Variants in EMCN observed in about 807,000 individuals in gnomAD.
EMCN encodes MUC-14.
A neutral mutation model predicts 38.4 loss-of-function variants in EMCN; 37 were observed. The ratio of observed to expected loss-of-function variants is 0.96; its 90% confidence interval spans 0.74 to 1.27. The LOEUF is 1.27. Ranked by LOEUF, EMCN falls within the 50% of genes most tolerant of loss-of-function variation. The pLI is 0.00. For missense variants in EMCN, 318 were observed against 302.8 expected (o/e 1.05, Z -0.37); for synonymous variants, 95 against 100.8 (o/e 0.94, Z 0.35).
At chr4:100,481,901 C>T (rs1057299403) in intron 1 of EMCN, among the ~76,000 whole-genome samples, 13 of 151,436 alleles carry the variant, frequency 8.6e-5, no homozygotes, top group African/African-American at 2.9e-4. Flanking sequence ...TTCCTTCTTT[C>T]CTCCCTCTTT....
At chr4:100,407,643 G>T (rs1365415298) in intron 11 of EMCN, among the ~76,000 whole-genome samples, 1 of 152,038 alleles carries the variant, frequency 6.6e-6, no homozygotes, top group Non-Finnish European at 1.5e-5. Flanking sequence ...ATTCTCCCTA[G>T]CTACCTTTAA....
chr4:100,496,861 GA>G (rs1729219891), intron 1 of EMCN, among the ~76,000 whole-genome samples: 1 of 152,100 alleles, frequency 6.6e-6, no homozygotes, highest in Non-Finnish European at 1.5e-5. Context: ...ACACAAACTG[GA>G]AATATTGCTC....
chr4:100,400,147 G>A (rs1362621334), intron 11 of EMCN, among the ~76,000 whole-genome samples: 1 of 152,114 alleles, frequency 6.6e-6, no homozygotes, highest in Admixed American at 6.6e-5. Flanking sequence ...GAAGGACAAT[G>A]TTGGTTTCTA....
At chr4:100,429,995 T>A (rs1727153284) in intron 5 of EMCN, among the ~76,000 whole-genome samples, 1 of 152,172 alleles carries the variant, frequency 6.6e-6, no homozygotes, top group Non-Finnish European at 1.5e-5. Flanking sequence ...ACTTATGACA[T>A]CATTATCAAT....
chr4:100,400,353 A>ATTTTTTTTTTTT (rs3214622), intron 11 of EMCN, among the ~76,000 whole-genome samples: 1 of 146,750 alleles, frequency 6.8e-6, no homozygotes, highest in Non-Finnish European at 1.5e-5. Flanking sequence ...CCTAGGCCAC[A>ATTTTTTTTTTTT]TTTTTTTTTT....
At chr4:100,509,053 A>G (rs897593948) in intron 1 of EMCN, among the ~76,000 whole-genome samples, 3 of 152,214 alleles carry the variant, frequency 2.0e-5, no homozygotes, top group East Asian at 3.9e-4. Flanking sequence ...ACTTTTGAAG[A>G]AACAGAATTC....
At chr4:100,470,480 G>C (rs907320384) in intron 3 of EMCN, among the ~76,000 whole-genome samples, 8 of 151,586 alleles carry the variant, frequency 5.3e-5, no homozygotes, top group African/African-American at 1.9e-4. Flanking sequence ...AGACAGTATG[G>C]CAATTTCTTT....
At chr4:100,456,666 A>G (rs549377947) in intron 4 of EMCN, among the ~76,000 whole-genome samples, 2 of 152,120 alleles carry the variant, frequency 1.3e-5, no homozygotes, top group Non-Finnish European at 2.9e-5. Flanking sequence ...CTCTTTGATC[A>G]AGAGACACAC....
At chr4:100,399,601 C>G (rs562694432) in intron 11 of EMCN, among the ~76,000 whole-genome samples, 2 of 152,060 alleles carry the variant, frequency 1.3e-5, no homozygotes, top group African/African-American at 2.4e-5. Context: ...GCTAGGCAGT[C>G]GAGCACATGC....
intron 1 of EMCN, among the ~76,000 whole-genome samples, chr4:100,485,930 A>T (rs1001175117): frequency 2.6e-5 from 4 of 152,196 alleles, no homozygotes; most frequent in Non-Finnish European, 4.4e-5. Flanking sequence ...TAAGTAACTC[A>T]TTAGCCAAGA....
chr4:100,440,729 T>C (rs928883073), intron 5 of EMCN, among the ~76,000 whole-genome samples: 3 of 152,080 alleles, frequency 2.0e-5, no homozygotes, highest in African/African-American at 7.2e-5. Flanking sequence ...ACTATAAACA[T>C]ACATGCGCAA....
intron 2 of EMCN, among the ~76,000 whole-genome samples, chr4:100,479,281 G>A (rs1728744384): frequency 6.9e-6 from 1 of 145,408 alleles, no homozygotes; most frequent in South Asian, 2.2e-4. Context: ...GTTTTCCATT[G>A]ATTACAGGAC....
chr4:100,484,637 C>T (rs1279227581), intron 1 of EMCN, among the ~76,000 whole-genome samples: 1 of 152,118 alleles, frequency 6.6e-6, no homozygotes, highest in Non-Finnish European at 1.5e-5. Context: ...CTCTCCTTTA[C>T]TAAGTCTACA....
At chr4:100,432,054 A>T (rs183852382) in intron 5 of EMCN, among the ~76,000 whole-genome samples, 8 of 152,298 alleles carry the variant, frequency 5.3e-5, no homozygotes, top group African/African-American at 1.9e-4. Context: ...AGGCTAAAGA[A>T]AAATGAATTC....
At chr4:100,504,910 C>T (rs1249549184) in intron 1 of EMCN, among the ~76,000 whole-genome samples, 2 of 152,240 alleles carry the variant, frequency 1.3e-5, no homozygotes, top group Non-Finnish European at 2.9e-5. Flanking sequence ...TGCTGTGCTT[C>T]AGTGGTCACA....
chr4:100,452,253 T>A (rs1727863545), intron 4 of EMCN, among the ~76,000 whole-genome samples: 1 of 152,030 alleles, frequency 6.6e-6, no homozygotes, highest in South Asian at 2.1e-4. Context: ...TAAGATAAAT[T>A]ATGCAAAAGG....
intron 1 of EMCN, among the ~76,000 whole-genome samples, chr4:100,511,382 C>T (rs918408287): frequency 3.3e-5 from 5 of 152,072 alleles, no homozygotes; most frequent in African/African-American, 9.7e-5. Flanking sequence ...TAACTTGGAC[C>T]GTTCCCAACT....
At chr4:100,400,498 T>C (rs11097717) in intron 11 of EMCN, among the ~76,000 whole-genome samples, 26,364 of 152,094 alleles carry the variant, frequency 0.17, 3,812 homozygotes, top group East Asian at 0.77. Context: ...TATACTAAAA[T>C]TATTTTTCTT....
chr4:100,436,779 T>C (rs1199881316), intron 5 of EMCN, among the ~76,000 whole-genome samples: 2 of 152,110 alleles, frequency 1.3e-5, no homozygotes, highest in Non-Finnish European at 2.9e-5. Flanking sequence ...CCAAACACTG[T>C]ATGTTCTCAC....
Sources: gnomAD v4.1 joint callset for allele counts (sites outside exome capture counted in the v4.1 genomes callset) on GRCh38, gnomAD v4.1.1 for gene constraint, MANE v1.5 for transcripts, NCBI Gene and HGNC (gene_info 2026-07-23, HGNC 2026-07-21) for gene names.